GSE1: variants seen among roughly 807,000 people sequenced by gnomAD.
GSE1 encodes the protein genetic suppressor element 1.
In GSE1, 32 loss-of-function variants were observed where a neutral mutation model predicts 112.6. The observed-to-expected ratio is 0.28, with a 90% CI of 0.21 to 0.38. The LOEUF (loss-of-function observed/expected upper bound fraction) is 0.38, where lower values mean the gene tolerates loss of function less well. GSE1 is among the 10% of genes least tolerant of loss of function. The pLI, the probability that GSE1 is intolerant of heterozygous loss-of-function variation, is 1.00. For synonymous variants in GSE1, 1,115 were observed against 735.6 expected (o/e 1.52, Z -8.35); for missense variants, 2,348 against 1,699.2 (o/e 1.38, Z -6.71).
chr16:85,186,351 T>C (rs901248819), intron 1 of GSE1, among the ~76,000 whole-genome samples: 1 of 151,974 alleles, frequency 6.6e-6, no homozygotes, highest in Non-Finnish European at 1.5e-5. Flanking sequence ...ACACCTGTAA[T>C]CCCAGCATTT....
chr16:85,364,830 C>T (rs891835185), intron 2 of GSE1, among the ~76,000 whole-genome samples: 63 of 152,196 alleles, frequency 4.1e-4, no homozygotes, highest in Admixed American at 3.3e-3. Flanking sequence ...CAGAAGGGGC[C>T]GAGCCCTGCC....
At chr16:85,321,599 A>G (rs551779971) in intron 1 of GSE1, among the ~76,000 whole-genome samples, 13 of 152,082 alleles carry the variant, frequency 8.5e-5, no homozygotes, top group African/African-American at 2.7e-4. Flanking sequence ...TCATGCTGCT[A>G]CACTCCAGCC....
chr16:85,234,099 G>A (rs1904353078), intron 1 of GSE1, among the ~76,000 whole-genome samples: 2 of 152,196 alleles, frequency 1.3e-5, no homozygotes, highest in South Asian at 2.1e-4. Flanking sequence ...AACCATTGTA[G>A]GCGTCTGGTT....
chr16:85,383,775 C>A (rs1440019040), intron 2 of GSE1, among the ~76,000 whole-genome samples: 2 of 152,136 alleles, frequency 1.3e-5, no homozygotes, highest in African/African-American at 4.8e-5. Flanking sequence ...AGGGGTCTAC[C>A]GTTAAAGGGT....
intron 1 of GSE1, among the ~76,000 whole-genome samples, chr16:85,188,542 A>G (rs2074756325): frequency 6.6e-6 from 1 of 152,064 alleles, no homozygotes; most frequent in South Asian, 2.1e-4. Flanking sequence ...GGCCAGGCAC[A>G]GTGGCTCCCA....
chr16:85,636,501 A>C (rs2050009466), intron 2 of GSE1, among the ~76,000 whole-genome samples: 1 of 152,148 alleles, frequency 6.6e-6, no homozygotes, highest in African/African-American at 2.4e-5. Flanking sequence ...CACTCAGTGC[A>C]CCTGGTCCCC....
At chr16:85,639,827 G>A (rs2050296618) in intron 2 of GSE1, among the ~76,000 whole-genome samples, 1 of 152,238 alleles carries the variant, frequency 6.6e-6, no homozygotes, top group African/African-American at 2.4e-5. Context: ...TGCTTGCCGT[G>A]TGCAGCAGGC....
At chr16:85,449,237 C>A (rs974467802) in intron 2 of GSE1, among the ~76,000 whole-genome samples, 1 of 152,218 alleles carries the variant, frequency 6.6e-6, no homozygotes, top group East Asian at 1.9e-4. Flanking sequence ...TGGCTTGGGG[C>A]CCCACCGCGC....
At chr16:85,400,675 CTCTG>C (rs1020043901) in intron 2 of GSE1, among the ~76,000 whole-genome samples, 1 of 149,272 alleles carries the variant, frequency 6.7e-6, no homozygotes, top group African/African-American at 2.5e-5. Flanking sequence ...TTGCGTGTGT[CTCTG>C]TGTGTTTTTG....
At position 85,331,551 on chromosome 16, in the gene GSE1, A is replaced by ATGTG. The variant is rs2046360464; in HGVS notation, c.2284-25911_2284-25910insGTGT. 2.2e-5 allele frequency among the ~76,000 whole-genome samples: 2 copies of ATGTG among 90,562 alleles called. 1 individual carries two copies. The highest frequency in any genetic ancestry group is 8.9e-5 in the African/African-American group (2 of 22,584). The allele number at this position is 90,562 out of a possible 152,430, so 59.4% of individuals were successfully genotyped here. A position where few individuals can be genotyped will look rare whatever the true frequency, so the allele number is the denominator to read the frequency against. ...TGTGTATATGTGTATATGTGTGTAT[A>ATGTG]TATGTGTATATGTGTATATATGTGT... On this transcript the variant is annotated intron_variant, in intron 1 of 2. Transcript: ENST00000637419.
At chr16:85,382,275 C>T (rs1054861287) in intron 2 of GSE1, among the ~76,000 whole-genome samples, 2 of 152,192 alleles carry the variant, frequency 1.3e-5, no homozygotes, top group Admixed American at 6.5e-5. Context: ...TGTCTGGGCT[C>T]TTCCTTTACT....
chr16:85,635,259 G>T (rs2049893542), intron 2 of GSE1, among the ~76,000 whole-genome samples: 1 of 152,200 alleles, frequency 6.6e-6, no homozygotes, highest in Non-Finnish European at 1.5e-5. Flanking sequence ...TATTGGCCCA[G>T]GAGGGAGGCC....
chr16:85,287,119 T>C (rs2045055527), intron 1 of GSE1, among the ~76,000 whole-genome samples: 2 of 152,210 alleles, frequency 1.3e-5, no homozygotes, highest in South Asian at 4.1e-4. Context: ...TGTTCTGCGG[T>C]GTCACTGAGA....
chr16:85,508,399 C>T (rs957720549), intron 2 of GSE1, among the ~76,000 whole-genome samples: 1 of 152,184 alleles, frequency 6.6e-6, no homozygotes, highest in Non-Finnish European at 1.5e-5. Flanking sequence ...TTCTACCTAG[C>T]CCCTGCTCTG....
rs756791311 is a variant in GSE1, at chr16:85,633,969, G to T, written c.63G>T (p.Arg21Ser). ...TAGGGATGCTTTCCACCGCGACCAGGACCACCGCCACCGTCAACCCCCTCA... is the reference window on the plus strand; with the variant it reads ...TAGGGATGCTTTCCACCGCGACCAGTACCACCGCCACCGTCAACCCCCTCA... ...PSLGMLSTATRTTATVNPLTP... is the reference protein window; with the variant it reads ...PSLGMLSTATSTTATVNPLTP... Residue 21 changes from arginine (R) to serine (S), a missense_variant, in exon 2 of 16, where the codon AGG becomes AGT. By Grantham distance (110) the Arg-to-Ser change is moderately radical. Coordinates refer to ENST00000253458, the MANE Select transcript of GSE1 (RefSeq NM_014615.5). The T allele has an allele frequency of 1.2e-6, 2 of 1,612,980 alleles. No homozygotes were observed. The highest frequency in any genetic ancestry group is 1.3e-5 in the African/African-American group (1 of 74,904).
At chr16:85,654,708 G>T in intron 4 of GSE1, 86 bp from the exon 5 acceptor site, 1 of 862,786 alleles carries the variant, frequency 1.2e-6, no homozygotes, top group Non-Finnish European at 1.9e-6. Flanking sequence ...AGCGCCAGGG[G>T]TGATGCAGGG....
chr16:85,523,528 G>A (rs1347389082), intron 2 of GSE1, among the ~76,000 whole-genome samples: 1 of 152,190 alleles, frequency 6.6e-6, no homozygotes, highest in Non-Finnish European at 1.5e-5. Flanking sequence ...AGGAGCCAGG[G>A]CTGGGGCCAG....
chr16:85,656,307 T>C (rs775462606), intron 6 of GSE1, 36 bp from the exon 7 acceptor site: 2 of 1,605,600 alleles, frequency 1.2e-6, no homozygotes, highest in African/African-American at 2.7e-5. Flanking sequence ...TTGTTCCTGG[T>C]GCAGCAGAGC....
intron 1 of GSE1, among the ~76,000 whole-genome samples, chr16:85,273,357 A>G (rs1249955021): frequency 3.9e-5 from 6 of 152,230 alleles, no homozygotes; most frequent in Admixed American, 3.3e-4. Flanking sequence ...GTGTGCCCAG[A>G]TGTTCATAAC....
Sources: gnomAD v4.1 joint callset for allele counts (sites outside exome capture counted in the v4.1 genomes callset) on GRCh38, gnomAD v4.1.1 for gene constraint, MANE v1.5 for transcripts, NCBI Gene and HGNC (gene_info 2026-07-23, HGNC 2026-07-21) for gene names.